Variants in UMAD1 observed in about 807,000 individuals in gnomAD.
The protein encoded by UMAD1 is UBAP1-MVB12-associated (UMA) domain containing 1, also known as UBAP1-MVB12-associated (UMA)-domain containing protein 1.
UMAD1 carries 8 observed loss-of-function variants against 6.1 expected under a neutral mutation model. The observed-to-expected ratio is 1.30, with a 90% CI of 0.76 to 2.35. UMAD1 has a LOEUF of 2.35. Ranked by LOEUF, UMAD1 falls within the 30% of genes most tolerant of loss-of-function variation. The pLI, the probability that UMAD1 is intolerant of heterozygous loss-of-function variation, is 0.00. For missense variants in UMAD1, 130 were observed against 78.4 expected (o/e 1.66, Z -2.49); for synonymous variants, 56 against 31.4 (o/e 1.78, Z -2.61).
intron 2 of UMAD1, among the ~76,000 whole-genome samples, chr7:7,763,809 C>A (rs35210897): frequency 0.034 from 5,139 of 152,224 alleles, 129 homozygotes; most frequent in Non-Finnish European, 0.054. Context: ...TGATTTACAG[C>A]TTTTACTTAA....
intron 2 of UMAD1, among the ~76,000 whole-genome samples, chr7:7,688,832 T>C (rs1780101276): frequency 6.6e-6 from 1 of 152,200 alleles, no homozygotes; most frequent in South Asian, 2.1e-4. Context: ...ATATTGTTAA[T>C]AGCTTTTGTA....
intron 2 of UMAD1, among the ~76,000 whole-genome samples, chr7:7,782,466 C>T (rs373418959): frequency 2.6e-5 from 4 of 151,852 alleles, no homozygotes; most frequent in South Asian, 2.1e-4. Context: ...GTGTCTAAGT[C>T]GTGTGTCTAC....
At chr7:7,865,047 A>G (rs138458432) in intron 3 of UMAD1, among the ~76,000 whole-genome samples, 49 of 152,316 alleles carry the variant, frequency 3.2e-4, no homozygotes, top group African/African-American at 1.1e-3. Flanking sequence ...ATCTTGCCCT[A>G]TGCATCTCTT....
At chr7:7,855,762 A>G (rs1784005693) in intron 3 of UMAD1, among the ~76,000 whole-genome samples, 1 of 152,246 alleles carries the variant, frequency 6.6e-6, no homozygotes, top group South Asian at 2.1e-4. Flanking sequence ...ATTTTTCTCC[A>G]GAAAATGGGT....
rs1211886192 is a variant in UMAD1, at chr7:7,869,229, C to T, written c.157-8052C>T. ...CTAACTCAGATTTGCCCCTCCACCTCACCCCACAGTAATGCAAGCAGATAC... is the reference window on the plus strand; with the variant it reads ...CTAACTCAGATTTGCCCCTCCACCTTACCCCACAGTAATGCAAGCAGATAC... On this transcript the variant is annotated intron_variant, in intron 3 of 3. Transcript: ENST00000682710. 4.8e-5 allele frequency among the ~76,000 whole-genome samples: 3 copies of T among 62,676 alleles called. No individual in the cohort carries two copies. The East Asian group carries it at 1.1e-3, about 22-fold the overall frequency. 41.1% of individuals were successfully genotyped at this position (62,676 alleles called of 152,430 possible). A position where few individuals can be genotyped will look rare whatever the true frequency, so the allele number is the denominator to read the frequency against.
intron 2 of UMAD1, among the ~76,000 whole-genome samples, chr7:7,800,239 G>T (rs375916273): frequency 6.6e-6 from 1 of 152,224 alleles, no homozygotes; most frequent in East Asian, 1.9e-4. Flanking sequence ...TTCATCTAAT[G>T]TTTATTGAAC....
chr7:7,666,416 C>T (rs1272754742), intron 1 of UMAD1, among the ~76,000 whole-genome samples: 1 of 152,090 alleles, frequency 6.6e-6, no homozygotes, highest in Non-Finnish European at 1.5e-5. Flanking sequence ...CCACGTTGCC[C>T]AGGCTGGTCA....
At chr7:7,828,851 C>T (rs1783402824) in intron 3 of UMAD1, among the ~76,000 whole-genome samples, 1 of 152,112 alleles carries the variant, frequency 6.6e-6, no homozygotes, top group African/African-American at 2.4e-5. Context: ...TCGACTGGCC[C>T]AGGTCTTCTA....
chr7:7,661,692 G>T (rs1785478182), intron 1 of UMAD1, among the ~76,000 whole-genome samples: 1 of 152,202 alleles, frequency 6.6e-6, no homozygotes, highest in Non-Finnish European at 1.5e-5. Context: ...TTGTCCCAGA[G>T]GGGCACCCAC....
Position 7,835,092 on chromosome 7 carries a change from G to T in UMAD1, c.156+33349G>T, listed in dbSNP as rs186351651. ...GGTTTACAGTTCGAGGTGAGATTTGGGTGGAAACACAGAGCCAAACCATAT... is the reference window on the plus strand; with the variant it reads ...GGTTTACAGTTCGAGGTGAGATTTGTGTGGAAACACAGAGCCAAACCATAT... On this transcript the variant is annotated intron_variant, in intron 3 of 3. Coordinates refer to ENST00000682710, the MANE Select transcript of UMAD1 (RefSeq NM_001302348.2). Among the ~76,000 whole-genome samples the T allele has an allele frequency of 8.1e-4, 123 of 152,210 alleles. 2 individuals carry two copies. Among genetic ancestry groups the T allele is most frequent in the Admixed American group, 4.6e-4 (7 of 15,284 alleles).
chr7:7,849,517 G>A (rs1783874143), intron 3 of UMAD1, among the ~76,000 whole-genome samples: 3 of 152,122 alleles, frequency 2.0e-5, no homozygotes. Context: ...ATTCTGGGAG[G>A]TCTTCTGAAG....
chr7:7,789,081 A>G (rs998303500), intron 2 of UMAD1, among the ~76,000 whole-genome samples: 2 of 152,212 alleles, frequency 1.3e-5, no homozygotes, highest in Non-Finnish European at 2.9e-5. Context: ...ATATACATAC[A>G]AGCAAACTTG....
At chr7:7,674,657 G>A (rs1395601069) in intron 2 of UMAD1, among the ~76,000 whole-genome samples, 1 of 152,198 alleles carries the variant, frequency 6.6e-6, no homozygotes, top group Non-Finnish European at 1.5e-5. Context: ...GTAGGGTGCA[G>A]TGGACTTAAT....
At chr7:7,732,626 A>T (rs920247081) in intron 2 of UMAD1, among the ~76,000 whole-genome samples, 1 of 152,338 alleles carries the variant, frequency 6.6e-6, no homozygotes, top group South Asian at 2.1e-4. Context: ...CCTCATTGAA[A>T]ACATTCTACA....
rs899529677 is a variant in UMAD1, at chr7:7,783,892, C to T, written c.83-17778C>T. On this transcript the variant is annotated intron_variant, in intron 2 of 3. Transcript: ENST00000682710. Reference sequence around the variant, plus strand: ...TAAGACCAAAGACTGACACGGTATGCTGTCTACTCTAATTCAGTACATTCA... The same window carrying T: ...TAAGACCAAAGACTGACACGGTATGTTGTCTACTCTAATTCAGTACATTCA... 2.6e-5 allele frequency among the ~76,000 whole-genome samples: 4 copies of T among 152,150 alleles called. 1 individual carries two copies. Among genetic ancestry groups the T allele is most frequent in the African/African-American group, 9.7e-5 (4 of 41,420 alleles).
chr7:7,825,023 G>A (rs1226043849), intron 3 of UMAD1, among the ~76,000 whole-genome samples: 1 of 152,052 alleles, frequency 6.6e-6, no homozygotes, highest in Non-Finnish European at 1.5e-5. Context: ...TGTAACAGAG[G>A]TGTAAGTTTG....
At chr7:7,702,856 T>G (rs1054608705) in intron 2 of UMAD1, among the ~76,000 whole-genome samples, 4 of 152,218 alleles carry the variant, frequency 2.6e-5, no homozygotes, top group Non-Finnish European at 5.9e-5. Context: ...TCAACCAGTT[T>G]GTTTGCTGAT....
chr7:7,871,188 T>G (rs989916397), intron 3 of UMAD1, among the ~76,000 whole-genome samples: 2 of 152,236 alleles, frequency 1.3e-5, no homozygotes, highest in Non-Finnish European at 2.9e-5. Flanking sequence ...GTCACCTTAA[T>G]GATTTTCTCA....
intron 3 of UMAD1, among the ~76,000 whole-genome samples, chr7:7,866,944 G>C (rs2115337254): frequency 6.6e-6 from 1 of 152,270 alleles, no homozygotes; most frequent in Admixed American, 6.5e-5. Flanking sequence ...TGAACCTGAA[G>C]AGAAATGGAT....
Sources: gnomAD v4.1 joint callset for allele counts (sites outside exome capture counted in the v4.1 genomes callset) on GRCh38, gnomAD v4.1.1 for gene constraint, MANE v1.5 for transcripts, NCBI Gene and HGNC (gene_info 2026-07-23, HGNC 2026-07-21) for gene names.